The following EEF1AKMT2 variants were observed in gnomAD, a reference collection of about 807,000 sequenced individuals.
The protein encoded by EEF1AKMT2 is eukaryotic translation elongation factor 1 alpha lysine methyltransferase 2.
Under a neutral mutation model 35.8 loss-of-function variants are expected in EEF1AKMT2, and 32 were observed. The observed-to-expected ratio is 0.89, with a 90% CI of 0.67 to 1.20. The LOEUF is 1.20. Ranked by LOEUF, EEF1AKMT2 falls within the 50% of genes most tolerant of loss-of-function variation. EEF1AKMT2 has a pLI of 0.00. For missense variants in EEF1AKMT2, 330 were observed against 347.5 expected (o/e 0.95, Z 0.40); for synonymous variants, 121 against 133.7 (o/e 0.91, Z 0.65).
chr10:124,757,166 C>CACACACACACACA (rs1950292934), downstream of EEF1AKMT2, among the ~76,000 whole-genome samples: 39 of 143,174 alleles, frequency 2.7e-4, no homozygotes, highest in African/African-American at 8.8e-4. Flanking sequence ...ACACTCCCTC[C>CACACACACACACA]CACACACACA....
At chr10:124,777,990 G>A (rs558037617) in intron 3 of EEF1AKMT2, among the ~76,000 whole-genome samples, 7 of 151,908 alleles carry the variant, frequency 4.6e-5, no homozygotes, top group African/African-American at 1.2e-4. Context: ...ACAGGGGTTC[G>A]AGACCAGCGT....
intron 3 of EEF1AKMT2, among the ~76,000 whole-genome samples, chr10:124,780,726 C>CA (rs910831494): frequency 8.7e-4 from 131 of 150,470 alleles, no homozygotes; most frequent in African/African-American, 2.9e-3. Flanking sequence ...GCAAATCTGG[C>CA]AAAAGACATA....
intron 3 of EEF1AKMT2, among the ~76,000 whole-genome samples, chr10:124,785,081 T>C (rs1294908903): frequency 1.3e-5 from 2 of 151,630 alleles, no homozygotes; most frequent in East Asian, 3.9e-4. Context: ...AGCCCATCTC[T>C]ACTAAAAATA....
intron 4 of EEF1AKMT2, among the ~76,000 whole-genome samples, chr10:124,771,563 A>C (rs1950436482): frequency 6.6e-6 from 1 of 152,130 alleles, no homozygotes. Flanking sequence ...ATCCTGTGTT[A>C]ACAGGCATAA....
rs758395582 is a variant in EEF1AKMT2, at chr10:124,790,338, A to G, written c.111T>C (p.His37=). The change falls in exon 2 of 7, where the codon CAT becomes CAC. Residue 37 remains histidine, a splice_region_variant and synonymous_variant. Transcript: ENST00000368836. ...FVPSALGTRE[H]WDAVYERELQ... ...GTTCTCTCTCATAGACAGCATCCCA[A>G]CTATGTAAACAATGAAATGCAAAGC... 7 of 1,606,272 alleles carry G rather than the reference A, an allele frequency of 4.4e-6. No homozygotes were observed. The highest frequency in any genetic ancestry group is 6.0e-6 in the Non-Finnish European group (7 of 1,172,932).
At chr10:124,757,560 TGA>T (rs1950296249), downstream of EEF1AKMT2, among the ~76,000 whole-genome samples, 1 of 152,136 alleles carries the variant, frequency 6.6e-6, no homozygotes, top group Non-Finnish European at 1.5e-5. Flanking sequence ...CCTTAAAAAT[TGA>T]GGTTTCTATT....
At chr10:124,771,541 G>A (rs1950436309) in intron 4 of EEF1AKMT2, among the ~76,000 whole-genome samples, 1 of 151,948 alleles carries the variant, frequency 6.6e-6, no homozygotes, top group South Asian at 2.1e-4. Context: ...TCCATCACGG[G>A]CTACAGAACA....
At chr10:124,767,815 G>A (rs565380063) in intron 4 of EEF1AKMT2, among the ~76,000 whole-genome samples, 4 of 151,902 alleles carry the variant, frequency 2.6e-5, no homozygotes, top group East Asian at 2.0e-4. Context: ...GACAAACCCC[G>A]CCTCTACTAA....
chr10:124,769,446 T>C (rs747221288), intron 4 of EEF1AKMT2, among the ~76,000 whole-genome samples: 2 of 151,638 alleles, frequency 1.3e-5, no homozygotes, highest in African/African-American at 2.4e-5. Flanking sequence ...TGAGAGACTA[T>C]TAGCTTTCCA....
chr10:124,782,498 C>T (rs1022568558), intron 3 of EEF1AKMT2, among the ~76,000 whole-genome samples: 1 of 143,836 alleles, frequency 7.0e-6, no homozygotes, highest in Non-Finnish European at 1.5e-5. Flanking sequence ...AGGAGAATGG[C>T]GTGAACCTGG....
At position 124,758,527 on chromosome 10, in the gene EEF1AKMT2, C is replaced by A. The variant is rs927161056; in HGVS notation, c.*1976G>T. Reference sequence around the variant, plus strand: ...GTTAAAAAAAAAAAAAAAAAGAAAACCTTCACCTTTGCAAATGGCACTAAC... The same window carrying A: ...GTTAAAAAAAAAAAAAAAAAGAAAAACTTCACCTTTGCAAATGGCACTAAC... On this transcript the variant is annotated 3_prime_UTR_variant, in exon 7 of 7. Transcript: ENST00000368836. 1.7e-4 allele frequency: 26 copies of A among 151,098 alleles called. No individual in the cohort carries two copies. The highest frequency in any genetic ancestry group is 5.1e-4 in the African/African-American group (21 of 41,174). 9.4% of individuals were successfully genotyped at this position (151,098 alleles called of 1,614,324 possible).
intron 3 of EEF1AKMT2, among the ~76,000 whole-genome samples, chr10:124,775,280 G>A (rs192778365): frequency 7.2e-5 from 11 of 152,150 alleles, no homozygotes; most frequent in African/African-American, 9.6e-5. Flanking sequence ...CTACTTTTAC[G>A]TCTTTAAAAA....
downstream of EEF1AKMT2, among the ~76,000 whole-genome samples, chr10:124,757,166 C>CCACACACACA (rs55709011): frequency 0.049 from 6,951 of 143,200 alleles, 257 homozygotes; most frequent in East Asian, 0.12. Context: ...ACACTCCCTC[C>CCACACACACA]CACACACACA....
intron 4 of EEF1AKMT2, among the ~76,000 whole-genome samples, chr10:124,767,288 C>T (rs952146216): frequency 6.2e-5 from 9 of 144,120 alleles, no homozygotes; most frequent in South Asian, 2.2e-4. Flanking sequence ...CCAAGGCAGA[C>T]GGATCATGAG....
chr10:124,778,026 T>C (rs1052283895), intron 3 of EEF1AKMT2, among the ~76,000 whole-genome samples: 10 of 152,172 alleles, frequency 6.6e-5, no homozygotes, highest in African/African-American at 2.2e-4. Context: ...ACCCCATCTC[T>C]ACTAAACACA....
rs140684721 is a variant in EEF1AKMT2 at position 124,762,994 on chromosome 10, T to C, written c.617-436A>G. On this transcript the variant is annotated intron_variant, in intron 5 of 6. Transcript: ENST00000368836. ...GAATATACCAAAATATTAATAGTGG[T>C]TGTACTCCACTGATGGTAAACAAAT... Among the ~76,000 whole-genome samples, 12 of 152,370 alleles carry C rather than the reference T, an allele frequency of 7.9e-5. No individual in the cohort carries two copies. In the East Asian group the frequency reaches 1.2e-3, roughly 15 times the overall value.
At chr10:124,766,230 C>T (rs1030675329) in intron 4 of EEF1AKMT2, 18 of 152,066 alleles carry the variant, frequency 1.2e-4, no homozygotes, top group African/African-American at 3.6e-4. Flanking sequence ...TACAACTAAT[C>T]GATCAAAACC....
intron 3 of EEF1AKMT2, 67 bp downstream of exon 3, chr10:124,788,976 T>C (rs568460937): frequency 8.6e-6 from 9 of 1,043,172 alleles, no homozygotes; most frequent in East Asian, 7.3e-5. Context: ...ATATCCTCAA[T>C]TGCAGGGCCT....
chr10:124,787,452 A>AC (rs1950595594), intron 3 of EEF1AKMT2, among the ~76,000 whole-genome samples: 1 of 151,052 alleles, frequency 6.6e-6, no homozygotes, highest in African/African-American at 2.4e-5. Flanking sequence ...AAAAAAAAAA[A>AC]AAAAAGCCTG....
Sources: gnomAD v4.1 joint callset for allele counts (sites outside exome capture counted in the v4.1 genomes callset) on GRCh38, gnomAD v4.1.1 for gene constraint, MANE v1.5 for transcripts, NCBI Gene and HGNC (gene_info 2026-07-23, HGNC 2026-07-21) for gene names.